GLIS1: variants seen among roughly 807,000 people sequenced by gnomAD.
GLIS1 encodes the protein zinc finger protein GLIS1.
A neutral mutation model predicts 63.8 loss-of-function variants in GLIS1; 24 were observed. That is an observed-to-expected ratio of 0.38 (90% confidence interval 0.27 to 0.53). The LOEUF is 0.53. Among genes scored for constraint, GLIS1 ranks in the 20% least tolerant of loss-of-function variants. GLIS1 has a pLI of 0.85. For synonymous variants in GLIS1, 450 were observed against 482.5 expected (o/e 0.93, Z 0.88); for missense variants, 1,036 against 1,074.1 (o/e 0.96, Z 0.50).
At position 53,511,794 on chromosome 1, in the gene GLIS1, A is replaced by T. The variant is rs2100258962; in HGVS notation, c.1884-1767T>A. Among the ~76,000 whole-genome samples, 1 of 152,160 alleles carries T rather than the reference A, an allele frequency of 6.6e-6. No individual in the cohort carries two copies. Among genetic ancestry groups the T allele is most frequent in the East Asian group, 1.9e-4 (1 of 5,170 alleles). On this transcript the variant is annotated intron_variant, in intron 8 of 10. Transcript: ENST00000628545. The surrounding 1 kb of genome is among the most constrained non-coding windows in gnomAD (Gnocchi z 4.2). The stretch of plus-strand genomic sequence containing the variant: ...AAGCTGGGCTGGGGCCTGGCCGGAG[A>T]GTGGCTCCTCCTTCCTGCAGGCCTG...
Position 53,594,299 on chromosome 1 carries a change from A to G in GLIS1, c.1129T>C (p.Cys377Arg), listed in dbSNP as rs748404280. The G allele has an allele frequency of 1.9e-6, 3 of 1,612,720 alleles. No homozygotes were observed. Among genetic ancestry groups the G allele is most frequent in the Non-Finnish European group, 2.5e-6 (3 of 1,179,886 alleles). ...AGRQACRWVD[C>R]CAAYEQQEEL... ...TCCTGCTGCTCATAGGCTGCACAGCAGTCCACCCAGCGGCACGCCTGCCGC... is the reference window on the plus strand; with the variant it reads ...TCCTGCTGCTCATAGGCTGCACAGCGGTCCACCCAGCGGCACGCCTGCCGC... Residue 377 changes from cysteine to arginine, a missense_variant, in exon 4 of 11, where the codon TGC becomes CGC. Cys to Arg is a radical substitution (Grantham distance 180, BLOSUM62 -3). This residue lies in a region of GLIS1 where 592 missense variants were observed against 593.9 expected (regional missense o/e 1.00). Coordinates refer to ENST00000628545, the MANE Select transcript of GLIS1 (RefSeq NM_001367484.1).
chr1:53,713,131 C>A (rs1178697246), intron 2 of GLIS1, among the ~76,000 whole-genome samples: 2 of 152,164 alleles, frequency 1.3e-5, no homozygotes, highest in East Asian at 3.9e-4. Context: ...TCAAGACCAG[C>A]CTAGGCAACA....
At chr1:53,573,598 C>T (rs1441923373) in intron 4 of GLIS1, among the ~76,000 whole-genome samples, 1 of 152,232 alleles carries the variant, frequency 6.6e-6, no homozygotes, top group African/African-American at 2.4e-5. Context: ...CACATGACAT[C>T]TTGACCCATG....
rs192992376 is a variant in GLIS1 at position 53,654,360 on chromosome 1, C to T, written c.260-54082G>A. ...GCCAGGGGGATGGAGGAGCCATAGG[C>T]GGTGAGAGGAGCAGGTCGGGGGCCG... On this transcript the variant is annotated intron_variant, in intron 2 of 10. Coordinates refer to ENST00000628545, the MANE Select transcript of GLIS1 (RefSeq NM_001367484.1). 3.9e-5 allele frequency among the ~76,000 whole-genome samples: 6 copies of T among 152,272 alleles called. No individual in the cohort carries two copies. The East Asian group carries it at 1.2e-3, about 29-fold the overall frequency.
chr1:53,562,344 T>C (rs1321100201), intron 4 of GLIS1, among the ~76,000 whole-genome samples: 1 of 152,108 alleles, frequency 6.6e-6, no homozygotes, highest in Non-Finnish European at 1.5e-5. Flanking sequence ...ACCAAGATTT[T>C]CACCGTGCAG....
chr1:53,514,242 C>A (rs539239666), intron 8 of GLIS1, among the ~76,000 whole-genome samples: 2 of 152,302 alleles, frequency 1.3e-5, no homozygotes, highest in East Asian at 3.9e-4. Flanking sequence ...GGGCAGTCTG[C>A]TCCCAAATGC....
chr1:53,612,063 C>T (rs1196316692), intron 2 of GLIS1, among the ~76,000 whole-genome samples: 1 of 152,186 alleles, frequency 6.6e-6, no homozygotes, highest in South Asian at 2.1e-4. Flanking sequence ...AACTACTGGC[C>T]TCAAGTGATC....
intron 3 of GLIS1, among the ~76,000 whole-genome samples, chr1:53,596,309 GCCTA>G (rs1253017817): frequency 2.0e-5 from 3 of 152,220 alleles, no homozygotes; most frequent in Non-Finnish European, 1.5e-5. Context: ...AGACGGAAGG[GCCTA>G]CCTGTCACCA....
At chr1:53,579,281 T>C (rs1439122552) in intron 4 of GLIS1, among the ~76,000 whole-genome samples, 3 of 152,208 alleles carry the variant, frequency 2.0e-5, no homozygotes, top group Admixed American at 6.5e-5. Context: ...CCTGCCCAGC[T>C]TCCTGGGGCC....
At chr1:53,628,210 T>C (rs188752206) in intron 2 of GLIS1, among the ~76,000 whole-genome samples, 1 of 152,338 alleles carries the variant, frequency 6.6e-6, no homozygotes, top group Non-Finnish European at 1.5e-5. Flanking sequence ...CTTGTGTCTA[T>C]GCTAGGACCT....
intron 2 of GLIS1, among the ~76,000 whole-genome samples, chr1:53,695,784 A>G (rs941659922): frequency 7.9e-5 from 12 of 152,234 alleles, no homozygotes; most frequent in African/African-American, 2.9e-4. Flanking sequence ...ATACAAGGGT[A>G]TTGGGTTTAT....
chr1:53,508,100 T>C lies in GLIS1; in HGVS notation c.2230+1020A>G, dbSNP rs553211742. Among the ~76,000 whole-genome samples, 9 of 152,128 alleles carry C rather than the reference T, an allele frequency of 5.9e-5. No homozygotes were observed. In the East Asian group the frequency reaches 1.7e-3, roughly 29 times the overall value. ...GTGGAAACAGCCATGAGTCGTGGGG[T>C]GGGTGACACAATGTGCACACAGATG... is the stretch of plus-strand genomic sequence containing the variant. On this transcript the variant is annotated intron_variant, in intron 10 of 10. Transcript: ENST00000628545.
intron 2 of GLIS1, among the ~76,000 whole-genome samples, chr1:53,656,896 C>T (rs748991006): frequency 2.0e-5 from 3 of 152,232 alleles, no homozygotes; most frequent in Non-Finnish European, 2.9e-5. Flanking sequence ...CAGACAGGTA[C>T]GTGCAAATCT....
intron 2 of GLIS1, among the ~76,000 whole-genome samples, chr1:53,605,682 A>T (rs74817098): frequency 1.3e-5 from 2 of 152,184 alleles, no homozygotes; most frequent in African/African-American, 2.4e-5. Context: ...CTGAATGTCA[A>T]TGTGGCCCTC....
At chr1:53,705,829 G>A (rs922055463) in intron 2 of GLIS1, among the ~76,000 whole-genome samples, 1 of 152,150 alleles carries the variant, frequency 6.6e-6, no homozygotes, top group East Asian at 1.9e-4. Flanking sequence ...CTCCCAATTA[G>A]GCTAATCCTG....
chr1:53,556,567 G>GTGT (rs1557448877), intron 4 of GLIS1, among the ~76,000 whole-genome samples: 5 of 89,668 alleles, frequency 5.6e-5, no homozygotes, highest in Non-Finnish European at 8.2e-5. Flanking sequence ...GTACTGCAGG[G>GTGT]GTGTGTGTAT....
intron 7 of GLIS1, among the ~76,000 whole-genome samples, chr1:53,517,356 A>ACTGC (rs1644363098): frequency 6.6e-6 from 1 of 152,186 alleles, no homozygotes; most frequent in South Asian, 2.1e-4. Context: ...CTGTCCAGCC[A>ACTGC]CTGCCTACCT....
chr1:53,578,645 G>T (rs2100488774), intron 4 of GLIS1, among the ~76,000 whole-genome samples: 1 of 152,282 alleles, frequency 6.6e-6, no homozygotes, highest in East Asian at 1.9e-4. Context: ...CTACCAGGAA[G>T]CTCCAGGAAA....
intron 2 of GLIS1, among the ~76,000 whole-genome samples, chr1:53,623,643 T>C (rs1013392672): frequency 6.6e-6 from 1 of 152,136 alleles, no homozygotes. Context: ...CTATGGAATC[T>C]CTAAAAACAA....
Sources: gnomAD v4.1 joint callset for allele counts (sites outside exome capture counted in the v4.1 genomes callset) on GRCh38, gnomAD v4.1.1 for gene constraint, gnomAD v4.1.1 regional missense constraint, Gnocchi (gnomAD v3.1) non-coding constraint, MANE v1.5 for transcripts, NCBI Gene and HGNC (gene_info 2026-07-23, HGNC 2026-07-21) for gene names.